Variants in TRAPPC9 observed in about 807,000 individuals in gnomAD.
The protein encoded by TRAPPC9 is trafficking protein particle complex subunit 9.
TRAPPC9 carries 83 observed loss-of-function variants against 124.0 expected under a neutral mutation model. The ratio of observed to expected loss-of-function variants is 0.67; its 90% CI spans 0.56 to 0.80. The LOEUF is 0.80. Ranked by LOEUF, TRAPPC9 falls within the 30% of genes least tolerant of loss-of-function variation. The pLI, the probability that TRAPPC9 is intolerant of heterozygous loss-of-function variation, is 0.00. For synonymous variants in TRAPPC9, 638 were observed against 617.5 expected (o/e 1.03, Z -0.49); for missense variants, 1,302 against 1,508.3 (o/e 0.86, Z 2.27).
chr8:140,002,594 C>T (rs962882913), intron 18 of TRAPPC9, among the ~76,000 whole-genome samples: 1 of 151,882 alleles, frequency 6.6e-6, no homozygotes, highest in Non-Finnish European at 1.5e-5. Context: ...GTAGGGTACA[C>T]TAACATAGTA....
At chr8:139,884,454 G>A (rs1044356569) in intron 21 of TRAPPC9, among the ~76,000 whole-genome samples, 3 of 152,128 alleles carry the variant, frequency 2.0e-5, no homozygotes, top group Non-Finnish European at 4.4e-5. Flanking sequence ...CTTTGCTCTT[G>A]GGCCCCTGTT....
intron 18 of TRAPPC9, among the ~76,000 whole-genome samples, chr8:139,990,452 C>T (rs1000015227): frequency 1.2e-3 from 185 of 152,310 alleles, no homozygotes; most frequent in African/African-American, 4.2e-3. Flanking sequence ...CACACACACA[C>T]ATATACACTC....
At chr8:139,751,299 T>C (rs527846070) in intron 21 of TRAPPC9, among the ~76,000 whole-genome samples, 333 of 152,276 alleles carry the variant, frequency 2.2e-3, no homozygotes, top group Non-Finnish European at 3.5e-3. Flanking sequence ...GTCCAGAGGC[T>C]GGGGATGCCC....
chr8:140,095,864 G>GC (rs1340401223), intron 17 of TRAPPC9: 2 of 152,230 alleles, frequency 1.3e-5, no homozygotes, highest in Admixed American at 1.3e-4. Flanking sequence ...TTCAGGAAGA[G>GC]CGGTGCCTCT....
At position 140,443,250 on chromosome 8, in the gene TRAPPC9, A is replaced by G. The variant is rs1293899813; in HGVS notation, c.585-4053T>C. ...GGAGATCGAGACCATCCTGGCTAAC[A>G]TGATGAAACCCCGTCTCTACTAAAA... On this transcript the variant is annotated intron_variant, in intron 2 of 22. Coordinates refer to ENST00000438773, the MANE Select transcript of TRAPPC9 (RefSeq NM_001160372.4). 5.3e-5 allele frequency among the ~76,000 whole-genome samples: 8 copies of G among 150,460 alleles called. No individual in the cohort carries two copies. In the East Asian group the frequency reaches 1.4e-3, roughly 26 times the overall value.
At chr8:139,906,360 T>G (rs1440093580) in intron 20 of TRAPPC9, among the ~76,000 whole-genome samples, 3 of 152,040 alleles carry the variant, frequency 2.0e-5, no homozygotes, top group Non-Finnish European at 4.4e-5. Flanking sequence ...GTGCCCCATC[T>G]CAGAATGGGA....
intron 10 of TRAPPC9, 29 bp downstream of exon 10, chr8:140,311,219 C>T (rs761232169): frequency 1.2e-6 from 2 of 1,606,460 alleles, no homozygotes; most frequent in African/African-American, 2.7e-5. Flanking sequence ...AGGGCAGCTG[C>T]CTTTCCGGCT....
intron 17 of TRAPPC9, among the ~76,000 whole-genome samples, chr8:140,048,538 A>C (rs1841769584): frequency 6.6e-6 from 1 of 152,132 alleles, no homozygotes; most frequent in African/African-American, 2.4e-5. Context: ...GTGGAGACCA[A>C]GAGCTCCATG....
chr8:139,978,646 C>CT lies in TRAPPC9; in HGVS notation c.2810+10079dup, dbSNP rs200020295. 5.7e-3 allele frequency among the ~76,000 whole-genome samples: 872 copies of CT among 152,288 alleles called. 11 individuals carry two copies. The highest frequency in any genetic ancestry group is 0.018 in the African/African-American group (729 of 41,556). On this transcript the variant is annotated intron_variant, in intron 19 of 22. Coordinates refer to ENST00000438773, the MANE Select transcript of TRAPPC9 (RefSeq NM_001160372.4). The stretch of plus-strand genomic sequence containing the variant: ...GGTCATTATCCGAAGATGGTGCCTT[C>CT]TGTGTATGTGTGTGAAATCTCCATA...
intron 21 of TRAPPC9, among the ~76,000 whole-genome samples, chr8:139,871,251 C>T (rs1828882398): frequency 6.6e-6 from 1 of 152,150 alleles, no homozygotes; most frequent in Non-Finnish European, 1.5e-5. Context: ...CCTGGGCCCA[C>T]CTTGGGTAGG....
chr8:140,050,388 A>G (rs528994423), intron 17 of TRAPPC9, among the ~76,000 whole-genome samples: 4 of 152,320 alleles, frequency 2.6e-5, no homozygotes, highest in African/African-American at 7.2e-5. Context: ...TGCACACACC[A>G]TCTCATGCGG....
Position 140,221,591 on chromosome 8 carries a change from A to G in TRAPPC9, c.2432-8T>C, listed in dbSNP as rs2063339926. On this transcript the variant is annotated splice_polypyrimidine_tract_variant and splice_region_variant and intron_variant, in intron 16 of 22. Transcript: ENST00000438773. ...CACTCACACTGATTCCATCTACAAA[A>G]TAAGAACAAAAATCATAAGTAACAC... The G allele has an allele frequency of 6.2e-7, 1 of 1,613,118 alleles. No individual in the cohort carries two copies. The highest frequency in any genetic ancestry group is 8.5e-7 in the Non-Finnish European group (1 of 1,179,382).
At chr8:139,811,285 G>A in intron 21 of TRAPPC9, among the ~76,000 whole-genome samples, 1 of 152,256 alleles carries the variant, frequency 6.6e-6, no homozygotes, top group East Asian at 1.9e-4. Flanking sequence ...CATTCTAAGA[G>A]ATAGGAAACA....
At chr8:139,812,673 T>C (rs554770288) in intron 21 of TRAPPC9, among the ~76,000 whole-genome samples, 60 of 152,180 alleles carry the variant, frequency 3.9e-4, no homozygotes, top group Admixed American at 8.5e-4. Context: ...ATGAGTTAAA[T>C]AGATATTTTT....
In TRAPPC9 at chr8:140,070,891, G is replaced by A. The variant is rs187975053; in HGVS notation, c.2557-46812C>T. On this transcript the variant is annotated intron_variant, in intron 17 of 22. Transcript: ENST00000438773. ...TCCACGTCTCTTACCTACAGCCCTGGGTGCCAGGCCCTCCACGTCTCTTAC... is the reference window on the plus strand; with the variant it reads ...TCCACGTCTCTTACCTACAGCCCTGAGTGCCAGGCCCTCCACGTCTCTTAC... 1.5e-3 allele frequency among the ~76,000 whole-genome samples: 231 copies of A among 152,278 alleles called. 1 individual carries two copies. The highest frequency in any genetic ancestry group is 5.3e-3 in the African/African-American group (221 of 41,550).
chr8:140,300,303 G>C (rs556836073), intron 11 of TRAPPC9, among the ~76,000 whole-genome samples, 166 bp downstream of exon 11: 1 of 149,052 alleles, frequency 6.7e-6, no homozygotes, highest in South Asian at 2.1e-4. Context: ...ATGCATGCAT[G>C]CACACATGCA....
At chr8:139,752,863 TC>T (rs1819426113) in intron 21 of TRAPPC9, among the ~76,000 whole-genome samples, 2 of 141,544 alleles carry the variant, frequency 1.4e-5, no homozygotes, top group East Asian at 2.4e-4. Flanking sequence ...CATCCACCCA[TC>T]CAACATCTAC....
intron 17 of TRAPPC9, among the ~76,000 whole-genome samples, chr8:140,199,065 C>A (rs1342407782): frequency 6.6e-6 from 1 of 152,024 alleles, no homozygotes; most frequent in African/African-American, 2.4e-5. Flanking sequence ...GGCCTGGACC[C>A]CCAGGAGAAT....
chr8:140,401,365 A>G lies in TRAPPC9; in HGVS notation c.1009-3620T>C, dbSNP rs193207309. 2.2e-3 allele frequency among the ~76,000 whole-genome samples: 328 copies of G among 152,322 alleles called. 2 individuals are homozygous for G. Among genetic ancestry groups the G allele is most frequent in the African/African-American group, 7.7e-3 (319 of 41,562 alleles). ...TATTAAATATAAGTTATCACAGACG[A>G]TCAGAAAAAGGAGCTACTTATACCT... On this transcript the variant is annotated intron_variant, in intron 6 of 22. Coordinates refer to ENST00000438773, the MANE Select transcript of TRAPPC9 (RefSeq NM_001160372.4).
Sources: allele counts gnomAD v4.1 joint callset (sites outside exome capture counted in the v4.1 genomes callset), GRCh38; gene constraint gnomAD v4.1.1; transcripts MANE v1.5; gene names NCBI Gene and HGNC (gene_info 2026-07-23, HGNC 2026-07-21).